The following RASSF2 variants were observed in gnomAD, a reference collection of about 807,000 sequenced individuals.
RASSF2 encodes the protein Ras association domain family member 2, also known as ras association domain-containing protein 2.
A neutral mutation model predicts 46.3 loss-of-function variants in RASSF2; 34 were observed. That is an observed-to-expected ratio of 0.73 (90% CI 0.56 to 0.98). The LOEUF (loss-of-function observed/expected upper bound fraction) is 0.98, where lower values mean the gene tolerates loss of function less well. RASSF2 is among the 50% of genes least tolerant of loss of function. The pLI, the probability that RASSF2 is intolerant of heterozygous loss-of-function variation, is 0.00. For synonymous variants in RASSF2, 158 were observed against 162.5 expected (o/e 0.97, Z 0.21); for missense variants, 364 against 431.2 (o/e 0.84, Z 1.38).
At chr20:4,818,786 A>G (rs1199109522) in intron 2 of RASSF2, among the ~76,000 whole-genome samples, 4 of 152,202 alleles carry the variant, frequency 2.6e-5, no homozygotes, top group East Asian at 3.8e-4. Context: ...ATGTTCCACC[A>G]TAATACACAC....
At chr20:4,800,110 TAA>T (rs34035434) in intron 3 of RASSF2, among the ~76,000 whole-genome samples, 12 of 140,684 alleles carry the variant, frequency 8.5e-5, no homozygotes, top group Admixed American at 2.1e-4. Context: ...AGAGTCCTTC[TAA>T]AAAAAAAAAA....
At chr20:4,822,646 G>T (rs767419495) in intron 1 of RASSF2, among the ~76,000 whole-genome samples, 3 of 152,260 alleles carry the variant, frequency 2.0e-5, no homozygotes, top group Non-Finnish European at 4.4e-5. Flanking sequence ...CACCTGCCTC[G>T]CTCGGGGCGA....
In RASSF2 at chr20:4,790,472, G is replaced by A. The variant is rs151143340; in HGVS notation, c.516C>T (p.Asn172=). 7.2e-5 allele frequency: 108 copies of A among 1,493,062 alleles called. 1 individual carries two copies. The African/African-American group carries it at 1.0e-3, about 14-fold the overall frequency. 92.5% of individuals were successfully genotyped at this position (1,493,062 alleles called of 1,614,324 possible). A position where few individuals can be genotyped will look rare whatever the true frequency, so the allele number is the denominator to read the frequency against. ...RRIRRHRFSI[N]GHFYNHKTSV... The stretch of plus-strand genomic sequence containing the variant: ...TTACCTTATGGTTGTAGAAATGGCC[G>A]TTGATGGAGAAGCGGTGGCGTCTGA... The change falls in exon 7 of 12, where the codon AAC becomes AAT. Residue 172 remains asparagine, a synonymous_variant. Coordinates refer to ENST00000379400, the MANE Select transcript of RASSF2 (RefSeq NM_014737.3). The surrounding 1 kb of genome is among the most constrained non-coding windows in gnomAD (Gnocchi z 4.3).
intron 4 of RASSF2, among the ~76,000 whole-genome samples, chr20:4,796,352 C>T (rs59200116): frequency 0.17 from 26,035 of 152,104 alleles, 2,377 homozygotes; most frequent in East Asian, 0.3. Flanking sequence ...TCCCCTACTA[C>T]GGAAAATGAT....
intron 3 of RASSF2, among the ~76,000 whole-genome samples, chr20:4,798,365 C>T (rs1447791260): frequency 1.3e-5 from 2 of 152,162 alleles, no homozygotes; most frequent in Non-Finnish European, 2.9e-5. Context: ...CGTCTACCGA[C>T]AATACTCCCA....
rs192960766 is a variant in RASSF2, at chr20:4,810,746, C to G, written c.-32-9684G>C. Among the ~76,000 whole-genome samples, 574 of 152,190 alleles carry G rather than the reference C, an allele frequency of 3.8e-3. 6 individuals carry two copies. Among genetic ancestry groups the G allele is most frequent in the African/African-American group, 0.013 (526 of 41,528 alleles). Reference sequence around the variant, plus strand: ...GAGCAGGGGCCAGGCCCCAACCACCCCCACCTCAGCTCCCAGTGGGGGTGA... The same window carrying G: ...GAGCAGGGGCCAGGCCCCAACCACCGCCACCTCAGCTCCCAGTGGGGGTGA... On this transcript the variant is annotated intron_variant, in intron 2 of 11. Coordinates refer to ENST00000379400, the MANE Select transcript of RASSF2 (RefSeq NM_014737.3).
At chr20:4,794,267 A>T in intron 5 of RASSF2, among the ~76,000 whole-genome samples, 1 of 152,084 alleles carries the variant, frequency 6.6e-6, no homozygotes, top group East Asian at 1.9e-4. Flanking sequence ...TCTACAAAAA[A>T]CATGAAAATT....
chr20:4,808,486 C>CTTTTTTTT (rs11431404), intron 2 of RASSF2, among the ~76,000 whole-genome samples: 1 of 131,654 alleles, frequency 7.6e-6, no homozygotes, highest in African/African-American at 2.9e-5. Context: ...TTACACAAAT[C>CTTTTTTTT]TTTTTTTTTT....
At chr20:4,789,845 G>C in intron 7 of RASSF2, 148 bp from the exon 8 acceptor site, 2 of 657,894 alleles carry the variant, frequency 3.0e-6, no homozygotes, top group Non-Finnish European at 5.3e-6. Context: ...AGGCTTTGTA[G>C]ACAAAGCAAC....
intron 6 of RASSF2, 97 bp downstream of exon 6, chr20:4,792,442 T>A: frequency 6.4e-7 from 1 of 1,553,652 alleles, no homozygotes; most frequent in Non-Finnish European, 8.7e-7. Flanking sequence ...CCATATACAT[T>A]TTATATTCTC....
At chr20:4,789,322 G>A (rs1187687107) in intron 8 of RASSF2, among the ~76,000 whole-genome samples, 1 of 152,134 alleles carries the variant, frequency 6.6e-6, no homozygotes, top group Non-Finnish European at 1.5e-5. Context: ...TCCCCTGCAG[G>A]CTTGTTAGAC....
intron 2 of RASSF2, among the ~76,000 whole-genome samples, chr20:4,805,778 A>G (rs1927296404): frequency 6.6e-6 from 1 of 152,190 alleles, no homozygotes; most frequent in South Asian, 2.1e-4. Flanking sequence ...CGTGATGTGG[A>G]AAGCACACCC....
chr20:4,805,550 A>T (rs13040981), intron 2 of RASSF2, among the ~76,000 whole-genome samples: 1 of 152,010 alleles, frequency 6.6e-6, no homozygotes, highest in Non-Finnish European at 1.5e-5. Context: ...GTTTTAAACC[A>T]CCAAGACTAT....
rs548399165 is a variant in RASSF2, at chr20:4,822,654, C to A, written c.-107-251G>T. Among the ~76,000 whole-genome samples, 4 of 152,364 alleles carry A rather than the reference C, an allele frequency of 2.6e-5. No homozygotes were observed. The South Asian group carries it at 6.2e-4, about 24-fold the overall frequency. The stretch of plus-strand genomic sequence containing the variant: ...CCCACGGCACCTGCCTCGCTCGGGG[C>A]GAGAGAAGACGCCAGGCTGAGGTCC... On this transcript the variant is annotated intron_variant, in intron 1 of 11. Coordinates refer to ENST00000379400, the MANE Select transcript of RASSF2 (RefSeq NM_014737.3).
At position 4,791,547 on chromosome 20, in the gene RASSF2, T is replaced by G. The variant is rs546175095; in HGVS notation, c.377-936A>C. On this transcript the variant is annotated intron_variant, in intron 6 of 11. Coordinates refer to ENST00000379400, the MANE Select transcript of RASSF2 (RefSeq NM_014737.3). ...TGTGTATAAATATACAATACTGACATTAATCACAAGTAGGTTAATCTGCTC... is the reference window on the plus strand; with the variant it reads ...TGTGTATAAATATACAATACTGACAGTAATCACAAGTAGGTTAATCTGCTC... Among the ~76,000 whole-genome samples, 26 of 152,344 alleles carry G rather than the reference T, an allele frequency of 1.7e-4. No individual in the cohort carries two copies. In the East Asian group the frequency reaches 4.4e-3, roughly 26 times the overall value.
chr20:4,813,160 A>G (rs1234251410), intron 2 of RASSF2, among the ~76,000 whole-genome samples: 3 of 152,004 alleles, frequency 2.0e-5, no homozygotes, highest in African/African-American at 7.3e-5. Context: ...CCATTCCCAG[A>G]AAAACCCCGA....
At position 4,812,734 on chromosome 20, in the gene RASSF2, G is replaced by T. The variant is rs1455204349; in HGVS notation, c.-33+9595C>A. Among the ~76,000 whole-genome samples, 2 of 152,194 alleles carry T rather than the reference G, an allele frequency of 1.3e-5. No individual in the cohort carries two copies. Among genetic ancestry groups the T allele is most frequent in the African/African-American group, 4.8e-5 (2 of 41,436 alleles). On this transcript the variant is annotated intron_variant, in intron 2 of 11. Coordinates refer to ENST00000379400, the MANE Select transcript of RASSF2 (RefSeq NM_014737.3). This position sits in a 1 kb window ranked among gnomAD's most constrained non-coding sequence, Gnocchi z 4.0. The stretch of plus-strand genomic sequence containing the variant: ...TATCTTAGTCCCTCCAAGAACCTCA[G>T]GGGGAAGACTTCACTTTACAAATGA...
At position 4,784,111 on chromosome 20, in the gene RASSF2, C is replaced by T. The variant is rs987533005; in HGVS notation, c.*162G>A. On this transcript the variant is annotated 3_prime_UTR_variant, in exon 12 of 12. Transcript: ENST00000379400. Reference sequence around the variant, plus strand: ...CAGGGGTCCAGGGATAGGGAGCTGTCTGCTGACTTCTACATCCAGCTCCAG... The same window carrying T: ...CAGGGGTCCAGGGATAGGGAGCTGTTTGCTGACTTCTACATCCAGCTCCAG... 4.4e-6 allele frequency: 3 copies of T among 685,320 alleles called. No homozygotes were observed. Among genetic ancestry groups the T allele is most frequent in the Non-Finnish European group, 7.7e-6 (3 of 388,496 alleles). The allele number at this position is 685,320 out of a possible 1,614,324, so 42.5% of individuals were successfully genotyped here. A position where few individuals can be genotyped will look rare whatever the true frequency, so the allele number is the denominator to read the frequency against.
At chr20:4,805,130 A>G (rs1927241326) in intron 2 of RASSF2, among the ~76,000 whole-genome samples, 1 of 152,128 alleles carries the variant, frequency 6.6e-6, no homozygotes, top group African/African-American at 2.4e-5. Context: ...ATGGCCCCAG[A>G]GACACCTGGG....
Sources: gnomAD v4.1 joint callset for allele counts (sites outside exome capture counted in the v4.1 genomes callset) on GRCh38, gnomAD v4.1.1 for gene constraint, Gnocchi (gnomAD v3.1) non-coding constraint, MANE v1.5 for transcripts, NCBI Gene and HGNC (gene_info 2026-07-23, HGNC 2026-07-21) for gene names.